The following EBPL variants were observed in gnomAD, a reference collection of about 807,000 sequenced individuals.
The protein encoded by EBPL is EBP like.
In EBPL, 20 loss-of-function variants were observed where a neutral mutation model predicts 19.0. That is an observed-to-expected ratio of 1.05 (90% confidence interval 0.74 to 1.53). The LOEUF is 1.53. EBPL is among the 40% of genes most tolerant of loss of function. The pLI is 0.00. For synonymous variants in EBPL, 107 were observed against 117.0 expected (o/e 0.91, Z 0.55); for missense variants, 219 against 261.1 (o/e 0.84, Z 1.11).
chr13:49,671,560 T>A (rs1176970486), intron 1 of EBPL, among the ~76,000 whole-genome samples: 2 of 152,090 alleles, frequency 1.3e-5, no homozygotes, highest in Non-Finnish European at 2.9e-5. Context: ...CCAGCCAATT[T>A]TTTATTTTTA....
chr13:49,681,302 T>C (rs1434869239), intron 1 of EBPL, among the ~76,000 whole-genome samples: 2 of 139,952 alleles, frequency 1.4e-5, no homozygotes, highest in African/African-American at 5.0e-5. Context: ...GAAATTTTTT[T>C]CTTTTTTTAA....
intron 1 of EBPL, 41 bp downstream of exon 1, chr13:49,691,213 C>G: frequency 7.7e-7 from 1 of 1,294,530 alleles, no homozygotes; most frequent in Non-Finnish European, 9.8e-7. Flanking sequence ...CGCTCCCACT[C>G]TCTGGGATGG....
Position 49,667,387 on chromosome 13 carries a change from T to A in EBPL, c.241+2390A>T, listed in dbSNP as rs1046919971. On this transcript the variant is annotated intron_variant, in intron 2 of 3. Transcript: ENST00000242827. ...TTCCTCAACCAGAGCCATTGTTGTG[T>A]CCTCAACCAGACAGTGGAGACCAGG... Among the ~76,000 whole-genome samples, 10 of 152,294 alleles carry A rather than the reference T, an allele frequency of 6.6e-5. No individual in the cohort carries two copies. In the East Asian group the frequency reaches 1.7e-3, roughly 26 times the overall value.
At chr13:49,689,168 T>C (rs1179587403) in intron 1 of EBPL, among the ~76,000 whole-genome samples, 1 of 152,218 alleles carries the variant, frequency 6.6e-6, no homozygotes, top group African/African-American at 2.4e-5. Context: ...AACTAAGGTA[T>C]GGTGTATTCA....
At chr13:49,672,301 A>G (rs557476129) in intron 1 of EBPL, among the ~76,000 whole-genome samples, 6 of 152,356 alleles carry the variant, frequency 3.9e-5, no homozygotes, top group Admixed American at 1.3e-4. Flanking sequence ...CTAAATGTAA[A>G]GATAGTATAA....
chr13:49,677,980 T>C (rs1207669043), intron 1 of EBPL, among the ~76,000 whole-genome samples: 2 of 151,780 alleles, frequency 1.3e-5, no homozygotes, highest in African/African-American at 4.8e-5. Context: ...AGCAGCAAAA[T>C]TTATTGCAAA....
intron 1 of EBPL, among the ~76,000 whole-genome samples, chr13:49,687,724 A>G (rs1468825747): frequency 1.3e-5 from 2 of 152,182 alleles, no homozygotes; most frequent in African/African-American, 4.8e-5. Flanking sequence ...CTTGTAACGC[A>G]TCCCACTGCA....
chr13:49,687,336 CTCTT>C (rs1225402813), intron 1 of EBPL, among the ~76,000 whole-genome samples: 1 of 152,026 alleles, frequency 6.6e-6, no homozygotes, highest in African/African-American at 2.4e-5. Context: ...GCTTGCCTCT[CTCTT>C]TTTTTTAAAT....
chr13:49,690,239 T>TA (rs1287787588), intron 1 of EBPL, among the ~76,000 whole-genome samples: 10 of 151,362 alleles, frequency 6.6e-5, no homozygotes, highest in Non-Finnish European at 1.5e-4. Context: ...CCCTTATCTC[T>TA]ACATGTTGAT....
At chr13:49,690,005 C>G (rs1954042603) in intron 1 of EBPL, among the ~76,000 whole-genome samples, 1 of 151,942 alleles carries the variant, frequency 6.6e-6, no homozygotes, top group South Asian at 2.1e-4. Context: ...CAAAAATTAG[C>G]TGGGCGTGGT....
intron 2 of EBPL, among the ~76,000 whole-genome samples, chr13:49,667,656 G>A (rs9568300): frequency 0.15 from 22,620 of 152,116 alleles, 2,189 homozygotes; most frequent in East Asian, 0.5. Context: ...TTTTTACTGC[G>A]TTTTGGTTTT....
intron 2 of EBPL, among the ~76,000 whole-genome samples, chr13:49,664,377 C>A (rs749407549): frequency 9.9e-5 from 15 of 152,120 alleles, no homozygotes; most frequent in Non-Finnish European, 1.9e-4. Flanking sequence ...CATCTCCGCC[C>A]ACAGGGACAG....
At chr13:49,668,665 A>C in intron 2 of EBPL, 1 of 376,428 alleles carries the variant, frequency 2.7e-6, no homozygotes, top group Non-Finnish European at 5.1e-6. Flanking sequence ...CAGTTTTATA[A>C]AGTGGTAAAA....
In EBPL at chr13:49,691,316, C is replaced by G. The variant is rs1216033893; in HGVS notation, c.109G>C (p.Gly37Arg). 1.5e-6 allele frequency: 2 copies of G among 1,365,648 alleles called. No homozygotes were observed. Among genetic ancestry groups the G allele is most frequent in the East Asian group, 6.1e-5 (2 of 32,670 alleles). 84.6% of individuals were successfully genotyped at this position (1,365,648 alleles called of 1,614,324 possible). A position where few individuals can be genotyped will look rare whatever the true frequency, so the allele number is the denominator to read the frequency against. Residue 37 changes from glycine to arginine, a missense_variant, in exon 1 of 4, where the codon GGG becomes CGG. Coordinates refer to ENST00000242827, the MANE Select transcript of EBPL (RefSeq NM_032565.5). ...ALGLRLGRGQGAADRGALIWL... is the reference protein window; with the variant it reads ...ALGLRLGRGQRAADRGALIWL... The stretch of plus-strand genomic sequence containing the variant: ...ATGAGCGCCCCGCGGTCCGCCGCCC[C>G]CTGCCCGCGGCCCAGGCGCAGGCCC...
chr13:49,661,858 G>A, intron 3 of EBPL: 5 of 1,550,458 alleles, frequency 3.2e-6, no homozygotes, highest in South Asian at 1.2e-5. Flanking sequence ...GAATGCAGCT[G>A]TGCCTACTTG....
intron 1 of EBPL, among the ~76,000 whole-genome samples, chr13:49,678,018 T>C (rs1419477446): frequency 2.3e-5 from 2 of 86,282 alleles, no homozygotes; most frequent in Non-Finnish European, 6.4e-5. Context: ...CTCCACAGCG[T>C]GGAAGGGGAC....
At chr13:49,673,129 C>T (rs943003839) in intron 1 of EBPL, among the ~76,000 whole-genome samples, 1 of 152,100 alleles carries the variant, frequency 6.6e-6, no homozygotes, top group African/African-American at 2.4e-5. Flanking sequence ...TAAAAAAATA[C>T]TGGCAACATC....
At chr13:49,667,811 T>G (rs1953755260) in intron 2 of EBPL, among the ~76,000 whole-genome samples, 1 of 152,218 alleles carries the variant, frequency 6.6e-6, no homozygotes, top group African/African-American at 2.4e-5. Flanking sequence ...AGGTGCATAA[T>G]GTAAACGTGA....
Position 49,669,242 on chromosome 13 carries a change from C to T in EBPL, c.241+535G>A, listed in dbSNP as rs144166776. On this transcript the variant is annotated intron_variant, in intron 2 of 3. Coordinates refer to ENST00000242827, the MANE Select transcript of EBPL (RefSeq NM_032565.5). ...TAGAGATGGACTCTTGCTCTGTCGCCCGGGCTGGAGTGCAGTGGTGCAACT... is the reference window on the plus strand; with the variant it reads ...TAGAGATGGACTCTTGCTCTGTCGCTCGGGCTGGAGTGCAGTGGTGCAACT... Among the ~76,000 whole-genome samples the T allele has an allele frequency of 5.6e-3, 854 of 152,056 alleles. 11 individuals carry two copies. Among genetic ancestry groups the T allele is most frequent in the African/African-American group, 0.019 (806 of 41,468 alleles).
Sources: allele counts gnomAD v4.1 joint callset (sites outside exome capture counted in the v4.1 genomes callset), GRCh38; gene constraint gnomAD v4.1.1; transcripts MANE v1.5; gene names NCBI Gene and HGNC (gene_info 2026-07-23, HGNC 2026-07-21).